RPRD1A: variants seen among roughly 807,000 people sequenced by gnomAD.
RPRD1A encodes regulation of nuclear pre-mRNA domain containing 1A.
A neutral mutation model predicts 37.8 loss-of-function variants in RPRD1A; 9 were observed. The observed-to-expected ratio is 0.24, with a 90% CI of 0.14 to 0.42. The LOEUF is 0.42. Among genes scored for constraint, RPRD1A ranks in the 10% least tolerant of loss-of-function variants. The pLI, the probability that RPRD1A is intolerant of heterozygous loss-of-function variation, is 1.00. For missense variants in RPRD1A, 255 were observed against 371.0 expected (o/e 0.69, Z 2.57); for synonymous variants, 138 against 139.7 (o/e 0.99, Z 0.08).
intron 6 of RPRD1A, among the ~76,000 whole-genome samples, chr18:36,022,007 GT>G (rs1193236437): frequency 5.9e-5 from 9 of 152,132 alleles, no homozygotes; most frequent in African/African-American, 2.2e-4. Flanking sequence ...TCAAAAAAAG[GT>G]GGGGGGCTAC....
chr18:36,027,442 ACAAT>A (rs1270557587), intron 4 of RPRD1A, 132 bp from the exon 5 acceptor site: 2 of 889,336 alleles, frequency 2.2e-6, no homozygotes, highest in African/African-American at 3.4e-5. Flanking sequence ...GCTTTTGAAG[ACAAT>A]CAATTTCTTT....
rs200694089 is a variant in RPRD1A, at chr18:35,996,977, C to CAAA, written c.790-3680_790-3678dup. 1.9e-3 allele frequency among the ~76,000 whole-genome samples: 106 copies of CAAA among 55,620 alleles called. 7 individuals are homozygous for CAAA. The highest frequency in any genetic ancestry group is 7.6e-3 in the African/African-American group (101 of 13,322). 36.5% of individuals were successfully genotyped at this position (55,620 alleles called of 152,430 possible). A position where few individuals can be genotyped will look rare whatever the true frequency, so the allele number is the denominator to read the frequency against. The stretch of plus-strand genomic sequence containing the variant: ...TAGGCAATAGAGTGAGACCCTGTCT[C>CAAA]AAAAAAAAAAAAAAAAAAAAAAAAA... On this transcript the variant is annotated intron_variant, in intron 6 of 6. Coordinates refer to ENST00000399022, the MANE Select transcript of RPRD1A (RefSeq NM_018170.5).
At chr18:36,064,065 T>G (rs1568157812) in intron 1 of RPRD1A, 1 of 152,276 alleles carries the variant, frequency 6.6e-6, no homozygotes, top group African/African-American at 2.4e-5. Flanking sequence ...ATTAGATAGC[T>G]TTCTCCTATT....
rs149724008 is a variant in RPRD1A, at chr18:36,061,908, A to T, written c.151+5346T>A. On this transcript the variant is annotated intron_variant, in intron 1 of 6. Coordinates refer to ENST00000399022, the MANE Select transcript of RPRD1A (RefSeq NM_018170.5). ...GTCATTAGTCATCTGGGAAATGCAT[A>T]TCAAAATCATGAGATACCACTTCAT... 3.3e-4 allele frequency among the ~76,000 whole-genome samples: 51 copies of T among 152,368 alleles called. No individual in the cohort carries two copies. The East Asian group carries it at 7.7e-3, about 23-fold the overall frequency.
rs1359543093 is a variant in RPRD1A, at chr18:36,008,571, G to GTATATATATATATATATATATATATATA, written c.790-15272_790-15271insTATATATATATATATATATATATATATA. Among the ~76,000 whole-genome samples the GTATATATATATATATATATATATATATA allele has an allele frequency of 5.8e-3, 161 of 27,830 alleles. 11 individuals carry two copies. Among genetic ancestry groups the GTATATATATATATATATATATATATATA allele is most frequent in the African/African-American group, 0.016 (92 of 5,782 alleles). 18.3% of individuals were successfully genotyped at this position (27,830 alleles called of 152,430 possible). A position where few individuals can be genotyped will look rare whatever the true frequency, so the allele number is the denominator to read the frequency against. Reference sequence around the variant, plus strand: ...AGCCTGGGCGACACAGCAAGACCTTGTGTGTGTATATATATATATCTTTAA... The same window carrying GTATATATATATATATATATATATATATA: ...AGCCTGGGCGACACAGCAAGACCTTGTATATATATATATATATATATATATATATGTGTGTATATATATATATCTTTAA... On this transcript the variant is annotated intron_variant, in intron 6 of 6. Transcript: ENST00000399022.
At chr18:36,053,655 G>C (rs951864533) in intron 1 of RPRD1A, among the ~76,000 whole-genome samples, 9 of 152,124 alleles carry the variant, frequency 5.9e-5, no homozygotes, top group African/African-American at 2.2e-4. Context: ...TTGAATATTT[G>C]TTTTCAAGTC....
chr18:36,034,635 A>T (rs1410080958), intron 1 of RPRD1A, among the ~76,000 whole-genome samples: 3 of 152,158 alleles, frequency 2.0e-5, no homozygotes, highest in Non-Finnish European at 4.4e-5. Context: ...AATTTGAATC[A>T]CTCAATGTAG....
At chr18:36,033,321 AAAAAG>A (rs1275129498) in intron 2 of RPRD1A, among the ~76,000 whole-genome samples, 2 of 150,610 alleles carry the variant, frequency 1.3e-5, no homozygotes, top group African/African-American at 4.9e-5. Context: ...AAAAAAAAAA[AAAAAG>A]AATAGAAACA....
intron 1 of RPRD1A, among the ~76,000 whole-genome samples, chr18:36,045,769 T>C (rs1016918797): frequency 6.6e-6 from 1 of 152,066 alleles, no homozygotes; most frequent in Non-Finnish European, 1.5e-5. Flanking sequence ...CAACCAACAA[T>C]CAATAAAACA....
chr18:36,024,093 T>C (rs1348972693), intron 6 of RPRD1A, among the ~76,000 whole-genome samples: 1 of 152,166 alleles, frequency 6.6e-6, no homozygotes, highest in Non-Finnish European at 1.5e-5. Context: ...CTAAATATTA[T>C]AAATGTAAAC....
At chr18:36,054,396 G>A (rs1295540591) in intron 1 of RPRD1A, among the ~76,000 whole-genome samples, 2 of 152,176 alleles carry the variant, frequency 1.3e-5, no homozygotes, top group African/African-American at 4.8e-5. Flanking sequence ...GGGAGGCTGA[G>A]GCAGGAGAAT....
intron 6 of RPRD1A, among the ~76,000 whole-genome samples, chr18:35,994,944 A>G (rs1908935606): frequency 6.6e-6 from 1 of 152,102 alleles, no homozygotes; most frequent in South Asian, 2.1e-4. Context: ...ACCCCCCATG[A>G]TTCTAATGTA....
chr18:35,997,780 G>GT (rs1434240742), intron 6 of RPRD1A, among the ~76,000 whole-genome samples: 1 of 152,160 alleles, frequency 6.6e-6, no homozygotes, highest in African/African-American at 2.4e-5. Context: ...CAGTTAGTAT[G>GT]TATGTGTACC....
chr18:36,037,640 T>G (rs992045710), intron 1 of RPRD1A, among the ~76,000 whole-genome samples: 1 of 151,890 alleles, frequency 6.6e-6, no homozygotes, highest in Non-Finnish European at 1.5e-5. Context: ...CAGGCAGAGG[T>G]TGGAACAGTT....
At chr18:36,034,739 G>A (rs761509125) in intron 1 of RPRD1A, among the ~76,000 whole-genome samples, 2 of 152,180 alleles carry the variant, frequency 1.3e-5, no homozygotes, top group Non-Finnish European at 2.9e-5. Flanking sequence ...GTATCCTATT[G>A]ATGTGGGCTA....
chr18:36,051,519 C>T (rs1377663552), intron 1 of RPRD1A, among the ~76,000 whole-genome samples: 1 of 152,030 alleles, frequency 6.6e-6, no homozygotes, highest in African/African-American at 2.4e-5. Flanking sequence ...AAGAAAAAAA[C>T]AAATATTCTC....
chr18:36,030,395 A>C (rs1462507801), intron 4 of RPRD1A, among the ~76,000 whole-genome samples: 1 of 151,792 alleles, frequency 6.6e-6, no homozygotes, highest in Non-Finnish European at 1.5e-5. Flanking sequence ...AGGCAGGAGA[A>C]TCGCTTGAAC....
chr18:35,994,816 C>T (rs1288248106), intron 6 of RPRD1A, among the ~76,000 whole-genome samples: 1 of 152,222 alleles, frequency 6.6e-6, no homozygotes, highest in Admixed American at 6.5e-5. Flanking sequence ...CCCTTCTCTA[C>T]TCTTCTGCAC....
intron 6 of RPRD1A, among the ~76,000 whole-genome samples, chr18:36,020,666 C>CA (rs1474255612): frequency 1.3e-5 from 2 of 151,704 alleles, no homozygotes; most frequent in South Asian, 2.1e-4. Flanking sequence ...CTCATCTCTG[C>CA]AAAAAAATAA....
Sources: allele counts gnomAD v4.1 joint callset (sites outside exome capture counted in the v4.1 genomes callset), GRCh38; gene constraint gnomAD v4.1.1; transcripts MANE v1.5; gene names NCBI Gene and HGNC (gene_info 2026-07-23, HGNC 2026-07-21).